Variants in CMTM7 observed in about 807,000 individuals in gnomAD.
CMTM7 encodes the protein CKLF-like MARVEL transmembrane domain-containing protein 7.
CMTM7 carries 7 observed loss-of-function variants against 19.3 expected under a neutral mutation model. That is an observed-to-expected ratio of 0.36 (90% CI 0.21 to 0.68). CMTM7 has a LOEUF of 0.68. CMTM7 is among the 30% of genes least tolerant of loss of function. The pLI, the probability that CMTM7 is intolerant of heterozygous loss-of-function variation, is 0.60. For missense variants in CMTM7, 193 were observed against 232.6 expected, an observed-to-expected ratio of 0.83 and a Z score of 1.11; for synonymous variants, 87 against 99.3, an observed-to-expected ratio of 0.88 and a Z score of 0.74.
intron 1 of CMTM7, among the ~76,000 whole-genome samples, chr3:32,435,329 G>A (rs765132701): frequency 1.2e-4 from 19 of 152,156 alleles, no homozygotes; most frequent in Admixed American, 7.9e-4. Context: ...GTGTGAACCC[G>A]GCAGGCAGAG....
chr3:32,400,667 A>G (rs1017111255), intron 1 of CMTM7, among the ~76,000 whole-genome samples: 1 of 152,192 alleles, frequency 6.6e-6, no homozygotes, highest in Non-Finnish European at 1.5e-5. Flanking sequence ...CTGGGATTAC[A>G]GGTGTGACCC....
chr3:32,451,064 G>A (rs530536871), intron 3 of CMTM7: 2 of 152,316 alleles, frequency 1.3e-5, no homozygotes, highest in Admixed American at 6.5e-5. Context: ...GTTGGGGACC[G>A]GGATGGTATA....
intron 1 of CMTM7, among the ~76,000 whole-genome samples, chr3:32,434,472 AT>A (rs199671131): frequency 6.7e-5 from 10 of 148,406 alleles, no homozygotes; most frequent in East Asian, 2.0e-4. Context: ...AATTTTAAAA[AT>A]TTTTTTTTTT....
At chr3:32,424,112 T>C (rs1469301594) in intron 1 of CMTM7, among the ~76,000 whole-genome samples, 1 of 152,228 alleles carries the variant, frequency 6.6e-6, no homozygotes, top group Admixed American at 6.5e-5. Context: ...CCACAATGCC[T>C]GAGGCCTCAG....
intron 1 of CMTM7, among the ~76,000 whole-genome samples, chr3:32,410,779 C>T (rs1018965276): frequency 6.6e-6 from 1 of 152,140 alleles, no homozygotes; most frequent in Non-Finnish European, 1.5e-5. Context: ...GTTGAGTTGA[C>T]AGGTTTCGAC....
chr3:32,447,638 T>C lies in CMTM7; in HGVS notation c.334-1816T>C, dbSNP rs1179790147. Among the ~76,000 whole-genome samples, 3 of 152,222 alleles carry C rather than the reference T, an allele frequency of 2.0e-5. No homozygotes were observed. In the East Asian group the frequency reaches 5.8e-4, roughly 29 times the overall value. On this transcript the variant is annotated intron_variant, in intron 2 of 4. Coordinates refer to ENST00000334983, the MANE Select transcript of CMTM7 (RefSeq NM_138410.4). ...TAGGTGCATATACGTTTATAATTGT[T>C]ATATCTTACTTACGGATTCAGCTTT...
At chr3:32,446,035 T>A (rs1271731589) in intron 2 of CMTM7, among the ~76,000 whole-genome samples, 1 of 152,238 alleles carries the variant, frequency 6.6e-6, no homozygotes, top group African/African-American at 2.4e-5. Flanking sequence ...CACAGAATAA[T>A]TTAGGAAATA....
intron 1 of CMTM7, among the ~76,000 whole-genome samples, chr3:32,434,095 G>A (rs1696560933): frequency 2.6e-5 from 4 of 152,076 alleles, no homozygotes; most frequent in South Asian, 4.1e-4. Flanking sequence ...AGGCTGAGGT[G>A]GGAGAATTAC....
chr3:32,403,659 TCCA>T (rs1272921409), intron 1 of CMTM7, among the ~76,000 whole-genome samples: 1 of 152,186 alleles, frequency 6.6e-6, no homozygotes, highest in Non-Finnish European at 1.5e-5. Flanking sequence ...GTGGTCCAAG[TCCA>T]CCACTTGAGC....
At chr3:32,415,571 C>T (rs1320592725) in intron 1 of CMTM7, among the ~76,000 whole-genome samples, 2 of 152,220 alleles carry the variant, frequency 1.3e-5, no homozygotes, top group African/African-American at 4.8e-5. Flanking sequence ...ACATCACCTG[C>T]CTTCTCTATG....
intron 1 of CMTM7, among the ~76,000 whole-genome samples, chr3:32,439,574 C>G (rs1225676206): frequency 3.3e-5 from 5 of 152,208 alleles, no homozygotes; most frequent in African/African-American, 1.2e-4. Context: ...CCACCTCAGC[C>G]TCCCAAGTTG....
At chr3:32,417,428 T>A (rs1218601650) in intron 1 of CMTM7, among the ~76,000 whole-genome samples, 3 of 152,264 alleles carry the variant, frequency 2.0e-5, no homozygotes, top group Non-Finnish European at 4.4e-5. Flanking sequence ...TACTGAGTAG[T>A]GTTCCATGAT....
intron 1 of CMTM7, among the ~76,000 whole-genome samples, chr3:32,406,292 C>A (rs1158938424): frequency 1.3e-5 from 2 of 152,148 alleles, no homozygotes; most frequent in Non-Finnish European, 2.9e-5. Context: ...TGTTATCTAG[C>A]CGTGCTGTAA....
rs1695920389 is a variant in CMTM7 at position 32,396,473 on chromosome 3, C to T, written c.159+4408C>T. ...AGTGAGCTGAGATTGCGTGACTGTACTCTAACCTGGGTGACACAGCGAGAC... is the reference window on the plus strand; with the variant it reads ...AGTGAGCTGAGATTGCGTGACTGTATTCTAACCTGGGTGACACAGCGAGAC... On this transcript the variant is annotated intron_variant, in intron 1 of 4. Transcript: ENST00000334983. 3.3e-5 allele frequency among the ~76,000 whole-genome samples: 5 copies of T among 152,010 alleles called. No individual in the cohort carries two copies. In the South Asian group the frequency reaches 1.0e-3, roughly 32 times the overall value.
chr3:32,421,954 GA>G (rs1158644551), intron 1 of CMTM7, among the ~76,000 whole-genome samples: 5 of 152,312 alleles, frequency 3.3e-5, no homozygotes, highest in African/African-American at 7.2e-5. Context: ...TGCCAAAGAT[GA>G]GGAAACTGAG....
chr3:32,409,733 A>C (rs1696144209), intron 1 of CMTM7, among the ~76,000 whole-genome samples: 1 of 152,228 alleles, frequency 6.6e-6, no homozygotes, highest in African/African-American at 2.4e-5. Flanking sequence ...TTGTAGCTAC[A>C]CTGGAGGCAG....
rs1364936481 is a variant in CMTM7 at position 32,449,069 on chromosome 3, G to A, written c.334-385G>A. On this transcript the variant is annotated intron_variant, in intron 2 of 4. Transcript: ENST00000334983. The surrounding 1 kb of genome is among the most constrained non-coding windows in gnomAD (Gnocchi z 4.5). Reference sequence around the variant, plus strand: ...CTTTGCTTCTCCGAGCTGGAGCTTTGTTTAAACTCTCCAGCCGGGAAGTTG... The same window carrying A: ...CTTTGCTTCTCCGAGCTGGAGCTTTATTTAAACTCTCCAGCCGGGAAGTTG... Among the ~76,000 whole-genome samples the A allele has an allele frequency of 6.6e-6, 1 of 152,230 alleles. No individual in the cohort carries two copies. Among genetic ancestry groups the A allele is most frequent in the Non-Finnish European group, 1.5e-5 (1 of 68,036 alleles).
chr3:32,426,532 T>C (rs1696435531), intron 1 of CMTM7, among the ~76,000 whole-genome samples: 1 of 152,108 alleles, frequency 6.6e-6, no homozygotes, highest in South Asian at 2.1e-4. Flanking sequence ...TTTCTTCAAA[T>C]ATATTATCTG....
chr3:32,446,924 A>C (rs1404320277), intron 2 of CMTM7, among the ~76,000 whole-genome samples: 2 of 152,148 alleles, frequency 1.3e-5, no homozygotes, highest in Non-Finnish European at 2.9e-5. Flanking sequence ...GAGGCAAATA[A>C]ACCTCTTTTC....
Sources: gnomAD v4.1 joint callset for allele counts (sites outside exome capture counted in the v4.1 genomes callset) on GRCh38, gnomAD v4.1.1 for gene constraint, Gnocchi (gnomAD v3.1) non-coding constraint, MANE v1.5 for transcripts, NCBI Gene and HGNC (gene_info 2026-07-23, HGNC 2026-07-21) for gene names.